The following EXOSC10 variants were observed in gnomAD, a reference collection of about 807,000 sequenced individuals.
The protein encoded by EXOSC10 is exosome component 10.
In EXOSC10, 94 loss-of-function variants were observed where a neutral mutation model predicts 126.6. The ratio of observed to expected loss-of-function variants is 0.74; its 90% CI spans 0.63 to 0.88. EXOSC10 has a LOEUF of 0.88. Among genes scored for constraint, EXOSC10 ranks in the 40% least tolerant of loss-of-function variants. EXOSC10 has a pLI of 0.00. For missense variants in EXOSC10, 1,041 were observed against 1,100.5 expected, an observed-to-expected ratio of 0.95 and a Z score of 0.77; for synonymous variants, 395 against 400.8, an observed-to-expected ratio of 0.99 and a Z score of 0.17.
Position 11,091,113 on chromosome 1 carries a change from GGAT to G in EXOSC10, c.541_543del (p.Ile181del), listed in dbSNP as rs1640781379. On this transcript the variant is annotated inframe_deletion, in exon 5 of 25. Coordinates refer to ENST00000376936, the MANE Select transcript of EXOSC10 (RefSeq NM_001001998.3). ...TTCTCTCGAAACTTGAGCTGAGGTC[GGAT>G]GATATTTTTTGCATGAAGCAGCCGG... The G allele has an allele frequency of 6.2e-7, 1 of 1,613,986 alleles. No homozygotes were observed. Among genetic ancestry groups the G allele is most frequent in the African/African-American group, 1.3e-5 (1 of 74,894 alleles).
chr1:11,067,570 C>G (rs1557688610), intron 24 of EXOSC10, among the ~76,000 whole-genome samples: 1 of 152,166 alleles, frequency 6.6e-6, no homozygotes. Flanking sequence ...TGCCACTGCA[C>G]TCCAGCCTGG....
chr1:11,078,324 C>A (rs970110822), intron 14 of EXOSC10, among the ~76,000 whole-genome samples: 3 of 150,228 alleles, frequency 2.0e-5, no homozygotes, highest in Non-Finnish European at 4.4e-5. Flanking sequence ...GTGGCGGGAT[C>A]TCGGCTCACT....
rs758087431 is a variant in EXOSC10, at chr1:11,076,838, T to C, written c.1986+4A>G. On this transcript the variant is annotated splice_donor_region_variant and intron_variant, in intron 17 of 24. Transcript: ENST00000376936. ...CACCTCAGTGAAGTTTCTGTGCTAC[T>C]CACATTAAATAACGTGATGACAGCT... 1 of 1,606,772 alleles carries C rather than the reference T, an allele frequency of 6.2e-7. No homozygotes were observed. Among genetic ancestry groups the C allele is most frequent in the Non-Finnish European group, 8.5e-7 (1 of 1,174,958 alleles).
intron 10 of EXOSC10, 192 bp downstream of exon 10, chr1:11,082,496 C>T: frequency 1.5e-6 from 2 of 1,353,570 alleles, no homozygotes; most frequent in Non-Finnish European, 1.9e-6. Flanking sequence ...TGCATCAGCC[C>T]ATCATAAAGT....
At chr1:11,090,299 T>C (rs1325707569) in intron 6 of EXOSC10, among the ~76,000 whole-genome samples, 1 of 152,100 alleles carries the variant, frequency 6.6e-6, no homozygotes, top group Non-Finnish European at 1.5e-5. Flanking sequence ...CGCCCAGCCT[T>C]CGTGTTTTAC....
Position 11,074,241 on chromosome 1 carries a change from G to A in EXOSC10, c.2072C>T (p.Pro691Leu), listed in dbSNP as rs188058548. 19 of 1,613,466 alleles carry A rather than the reference G, an allele frequency of 1.2e-5. No homozygotes were observed. The highest frequency in any genetic ancestry group is 3.3e-4 in the Middle Eastern group (2 of 6,062). ...AQNIMESFEN[P>L]FRMFLPSLGH... ...AAAACTACTACTCACCATCCTAAAT[G>A]GATTTTCAAAGGACTCCATGATGTT... The change falls in exon 18 of 25, where the codon CCA becomes CTA. Residue 691 changes from proline (P) to leucine (L), a missense_variant. This residue lies in a region of EXOSC10 where 388 missense variants were observed against 415.2 expected (regional missense o/e 0.93). Transcript: ENST00000376936.
At position 11,066,733 on chromosome 1, in the gene EXOSC10, G is replaced by T; in HGVS notation, c.2643C>A (p.Asn881Lys). 6.2e-7 allele frequency: 1 copy of T among 1,614,232 alleles called. No homozygotes were observed. Among genetic ancestry groups the T allele is most frequent in the Non-Finnish European group, 8.5e-7 (1 of 1,180,028 alleles). Residue 881 changes from asparagine to lysine, a missense_variant, in exon 25 of 25, where the codon AAC (asparagine) becomes AAA (lysine). Asn to Lys is a moderately conservative substitution (Grantham distance 94, BLOSUM62 0). This residue lies in a region of EXOSC10 where 388 missense variants were observed against 415.2 expected (regional missense o/e 0.93). Coordinates refer to ENST00000376936, the MANE Select transcript of EXOSC10 (RefSeq NM_001001998.3). ...TGKSDRGFRYNWPQR is the reference protein window; with the variant it reads ...TGKSDRGFRYKWPQR ...TCTTCCAGGACTATCTCTGTGGCCA[G>T]TTGTACCTGAAGCCTCTGCAGAGAG...
At position 11,098,274 on chromosome 1, in the gene EXOSC10, C is replaced by A; in HGVS notation, c.112-118G>T. 2 of 1,236,630 alleles carry A rather than the reference C, an allele frequency of 1.6e-6. 1 individual carries two copies. The highest frequency in any genetic ancestry group is 5.3e-5 in the East Asian group (2 of 37,918). The allele number at this position is 1,236,630 out of a possible 1,614,324, so 76.6% of individuals were successfully genotyped here. A position where few individuals can be genotyped will look rare whatever the true frequency, so the allele number is the denominator to read the frequency against. On this transcript the variant is annotated intron_variant, in intron 1 of 24. Coordinates refer to ENST00000376936, the MANE Select transcript of EXOSC10 (RefSeq NM_001001998.3). ...CTCTTCATCCATCAAAAAAAGCACT[C>A]ATTTAGTGCCAAACCCCAATCTAAT...
intron 17 of EXOSC10, among the ~76,000 whole-genome samples, chr1:11,074,867 G>A (rs1028788902): frequency 6.6e-6 from 1 of 152,136 alleles, no homozygotes; most frequent in African/African-American, 2.4e-5. Flanking sequence ...AGCCTATGAG[G>A]TGGTATTACT....
intron 13 of EXOSC10, 116 bp from the exon 14 acceptor site, chr1:11,079,938 G>T: frequency 1.2e-6 from 1 of 800,032 alleles, no homozygotes. Context: ...GAAGCTACAG[G>T]TAGGTGACTA....
At chr1:11,084,427 T>C (rs1271865303) in intron 9 of EXOSC10, among the ~76,000 whole-genome samples, 1 of 152,240 alleles carries the variant, frequency 6.6e-6, no homozygotes, top group Admixed American at 6.5e-5. Flanking sequence ...AAATGTCTTC[T>C]TTTGAGAAGT....
At position 11,074,028 on chromosome 1, in the gene EXOSC10, G is replaced by A. The variant is rs1195310496; in HGVS notation, c.2083-20C>T. On this transcript the variant is annotated intron_variant, in intron 18 of 24. Coordinates refer to ENST00000376936, the MANE Select transcript of EXOSC10 (RefSeq NM_001001998.3). ...CAGAAACTGGAGGAAGGAAATGGCT[G>A]TGTGAAACGCTGCCGGGAACGGAAT... The A allele has an allele frequency of 3.1e-6, 5 of 1,610,486 alleles. No individual in the cohort carries two copies. The highest frequency in any genetic ancestry group is 2.7e-5 in the African/African-American group (2 of 74,834).
chr1:11,074,088 G>A lies in EXOSC10; in HGVS notation c.2083-80C>T, dbSNP rs1570797908. ...CGGGGCAGAAGCGCTCAGATGGGGG[G>A]TTGCTGGTGCCTTGTCAGCGTCTTT... On this transcript the variant is annotated intron_variant, in intron 18 of 24. Coordinates refer to ENST00000376936, the MANE Select transcript of EXOSC10 (RefSeq NM_001001998.3). 8 of 1,455,132 alleles carry A rather than the reference G, an allele frequency of 5.5e-6. No homozygotes were observed. In the East Asian group the frequency reaches 1.6e-4, roughly 29 times the overall value. The allele number at this position is 1,455,132 out of a possible 1,614,324, so 90.1% of individuals were successfully genotyped here.
At chr1:11,072,268 A>G in intron 19 of EXOSC10, 97 bp from the exon 20 acceptor site, 1 of 784,160 alleles carries the variant, frequency 1.3e-6, no homozygotes. Flanking sequence ...GGTTAACCTA[A>G]GAAGTACACA....
chr1:11,085,162 A>G (rs1303902993), intron 9 of EXOSC10, among the ~76,000 whole-genome samples: 2 of 152,148 alleles, frequency 1.3e-5, no homozygotes, highest in Non-Finnish European at 2.9e-5. Context: ...CAATTCTGTG[A>G]AGAAAGTCAT....
chr1:11,091,147 T>C lies in EXOSC10; in HGVS notation c.510A>G (p.Glu170=), dbSNP rs1640783463. 6.2e-7 allele frequency: 1 copy of C among 1,614,020 alleles called. No individual in the cohort carries two copies. Among genetic ancestry groups the C allele is most frequent in the Admixed American group, 1.7e-5 (1 of 59,980 alleles). The change falls in exon 5 of 25, where the codon GAA becomes GAG. Residue 170 remains glutamate (E), a synonymous_variant. Coordinates refer to ENST00000376936, the MANE Select transcript of EXOSC10 (RefSeq NM_001001998.3). ...TTTTTGCATGAAGCAGCCGGAAAGT[T>C]TCAGATTTTGCTTTTTTGCCATATT... ...AAEYGKKAKS[E]TFRLLHAKNI...
At chr1:11,072,414 C>A in intron 19 of EXOSC10, 1 of 420,012 alleles carries the variant, frequency 2.4e-6, no homozygotes, top group East Asian at 4.8e-5. Flanking sequence ...CATTCAATCC[C>A]TCTGTAACCC....
chr1:11,095,622 G>A, intron 3 of EXOSC10, 136 bp downstream of exon 3: 3 of 720,860 alleles, frequency 4.2e-6, no homozygotes, highest in Non-Finnish European at 2.3e-6. Context: ...GCTGAGGCAG[G>A]AGAGTGTTGT....
chr1:11,085,832 C>G (rs879603690), intron 9 of EXOSC10, among the ~76,000 whole-genome samples: 1 of 151,734 alleles, frequency 6.6e-6, no homozygotes, highest in Non-Finnish European at 1.5e-5. Context: ...TAGCATGAAG[C>G]GTTGTTGAAT....
Sources: allele counts gnomAD v4.1 joint callset (sites outside exome capture counted in the v4.1 genomes callset), GRCh38; gene constraint gnomAD v4.1.1; regional missense constraint gnomAD v4.1.1; transcripts MANE v1.5; gene names NCBI Gene and HGNC (gene_info 2026-07-23, HGNC 2026-07-21).